PLEKHG7: variants seen among roughly 807,000 people sequenced by gnomAD.
PLEKHG7 encodes pleckstrin homology and RhoGEF domain containing G7, also known as pleckstrin homology domain-containing family G member 7.
Under a neutral mutation model 85.2 loss-of-function variants are expected in PLEKHG7, and 77 were observed. That is an observed-to-expected ratio of 0.90 (90% CI 0.75 to 1.09). The LOEUF (loss-of-function observed/expected upper bound fraction) is 1.09, where lower values mean the gene tolerates loss of function less well. PLEKHG7 is among the 50% of genes least tolerant of loss of function. The pLI is 0.00. For missense variants in PLEKHG7, 777 were observed against 804.3 expected (o/e 0.97, Z 0.41); for synonymous variants, 301 against 302.4 (o/e 1.00, Z 0.05).
intron 3 of PLEKHG7, among the ~76,000 whole-genome samples, chr12:92,710,575 C>T (rs1871350054): frequency 6.6e-6 from 1 of 152,170 alleles, no homozygotes; most frequent in Admixed American, 6.5e-5. Context: ...GAGGACAAAC[C>T]TCTGCCCTTT....
At chr12:92,719,007 A>G (rs926408774) in intron 3 of PLEKHG7, among the ~76,000 whole-genome samples, 1 of 152,204 alleles carries the variant, frequency 6.6e-6, no homozygotes, top group Non-Finnish European at 1.5e-5. Context: ...AATCGCCATC[A>G]TAGTACCGGA....
At chr12:92,754,470 C>G (rs1197653703) in intron 11 of PLEKHG7, among the ~76,000 whole-genome samples, 1 of 152,156 alleles carries the variant, frequency 6.6e-6, no homozygotes, top group Non-Finnish European at 1.5e-5. Flanking sequence ...TATGAGAACT[C>G]TAGCACCAAG....
At chr12:92,769,229 T>A in intron 16 of PLEKHG7, 149 bp downstream of exon 16, 1 of 586,582 alleles carries the variant, frequency 1.7e-6, no homozygotes, top group Non-Finnish European at 3.0e-6. Flanking sequence ...GGGGTACATC[T>A]AGTCCATATA....
chr12:92,713,858 C>A (rs1290619460), intron 3 of PLEKHG7, among the ~76,000 whole-genome samples: 1 of 152,132 alleles, frequency 6.6e-6, no homozygotes, highest in Non-Finnish European at 1.5e-5. Flanking sequence ...ACTCTTGGAC[C>A]CTTTTTTAAC....
chr12:92,751,966 A>G (rs768407713), intron 10 of PLEKHG7, among the ~76,000 whole-genome samples: 2 of 151,906 alleles, frequency 1.3e-5, no homozygotes, highest in Non-Finnish European at 2.9e-5. Context: ...GCAGTGAGCC[A>G]TGATCATACC....
intron 7 of PLEKHG7, 96 bp downstream of exon 7, chr12:92,737,617 G>T (rs1872198318): frequency 8.3e-7 from 1 of 1,208,508 alleles, no homozygotes; most frequent in African/African-American, 1.6e-5. Flanking sequence ...AGAAAAGAAA[G>T]AGAGAAAAGA....
At chr12:92,760,166 G>T (rs1872946132) in intron 13 of PLEKHG7, among the ~76,000 whole-genome samples, 1 of 152,116 alleles carries the variant, frequency 6.6e-6, no homozygotes, top group Non-Finnish European at 1.5e-5. Flanking sequence ...TAGCTCCTTG[G>T]TCATATTCAG....
chr12:92,741,075 G>T, intron 8 of PLEKHG7, 127 bp downstream of exon 8: 3 of 598,688 alleles, frequency 5.0e-6, no homozygotes, highest in Non-Finnish European at 8.4e-6. Context: ...CAGGACTTCA[G>T]GTTAATAAGA....
intron 13 of PLEKHG7, 136 bp from the exon 14 acceptor site, chr12:92,761,616 A>AAAG (rs1177639854): frequency 1.7e-5 from 18 of 1,032,046 alleles, no homozygotes; most frequent in African/African-American, 9.5e-5. Flanking sequence ...AAAAAGAAAG[A>AAAG]AAGAAAGAAG....
chr12:92,705,621 G>T (rs1871208647), intron 1 of PLEKHG7, among the ~76,000 whole-genome samples: 2 of 152,242 alleles, frequency 1.3e-5, no homozygotes, highest in Non-Finnish European at 2.9e-5. Context: ...GCCATCTGCG[G>T]CCAGGGAAGA....
Position 92,764,002 on chromosome 12 carries a change from A to G in PLEKHG7, c.1717-39A>G, listed in dbSNP as rs752260753. 12 of 1,568,920 alleles carry G rather than the reference A, an allele frequency of 7.6e-6. No individual in the cohort carries two copies. The South Asian group carries it at 1.4e-4, about 18-fold the overall frequency. On this transcript the variant is annotated intron_variant, in intron 14 of 16. Transcript: ENST00000344636. ...ACTTTAGATAAGTGTGCCAATATTT[A>G]TTTCTTGTTTATTGCATTATTTTTC...
rs1427274594 is a variant in PLEKHG7 at position 92,761,644 on chromosome 12, AAG to A, written c.1637-106_1637-105del. On this transcript the variant is annotated intron_variant, in intron 13 of 16. Coordinates refer to ENST00000344636, the MANE Select transcript of PLEKHG7 (RefSeq NM_001377329.1). ...GAAAGAAGAAAGAAAGAAAGAAAGA[AAG>A]AAAGAAAGAAAGAAAGAAAGAAAGA... is the stretch of plus-strand genomic sequence containing the variant. 9.5e-6 allele frequency: 9 copies of A among 951,294 alleles called. 1 individual carries two copies. Among genetic ancestry groups the A allele is most frequent in the South Asian group, 4.5e-5 (2 of 44,672 alleles). The allele number at this position is 951,294 out of a possible 1,614,324, so 58.9% of individuals were successfully genotyped here. A position where few individuals can be genotyped will look rare whatever the true frequency, so the allele number is the denominator to read the frequency against.
intron 12 of PLEKHG7, 116 bp downstream of exon 12, chr12:92,756,056 C>A: frequency 1.3e-6 from 1 of 791,076 alleles, no homozygotes; most frequent in Non-Finnish European, 2.0e-6. Flanking sequence ...AATCTAGTTT[C>A]ATGAACAAGA....
chr12:92,721,522 G>A, intron 3 of PLEKHG7: 1 of 1,230,770 alleles, frequency 8.1e-7, no homozygotes, highest in Non-Finnish European at 1.0e-6. Context: ...ACGCAACTCA[G>A]GGTTAGTGAA....
intron 3 of PLEKHG7, among the ~76,000 whole-genome samples, chr12:92,719,510 C>A (rs1005702332): frequency 3.9e-5 from 6 of 152,062 alleles, no homozygotes; most frequent in African/African-American, 1.5e-4. Flanking sequence ...GATAAGGCTG[C>A]CTGATTAAAA....
chr12:92,733,220 T>G (rs903613329), intron 5 of PLEKHG7, among the ~76,000 whole-genome samples: 1 of 152,146 alleles, frequency 6.6e-6, no homozygotes, highest in African/African-American at 2.4e-5. Context: ...AGATCTTCCC[T>G]ATAAAAGGCA....
intron 3 of PLEKHG7, among the ~76,000 whole-genome samples, chr12:92,724,354 G>A (rs1193309524): frequency 6.6e-6 from 1 of 151,988 alleles, no homozygotes; most frequent in Non-Finnish European, 1.5e-5. Context: ...CATGGAGTTG[G>A]CAAACAAAAA....
intron 9 of PLEKHG7, among the ~76,000 whole-genome samples, chr12:92,744,610 C>T (rs1053588662): frequency 4.7e-5 from 7 of 150,432 alleles, no homozygotes; most frequent in Non-Finnish European, 8.9e-5. Flanking sequence ...TAAGATAAAG[C>T]GCATGCTACT....
At chr12:92,734,698 C>T (rs1872088804) in intron 5 of PLEKHG7, among the ~76,000 whole-genome samples, 1 of 152,126 alleles carries the variant, frequency 6.6e-6, no homozygotes. Context: ...TAGAGCTCTC[C>T]ATAGATCTTG....
Sources: allele counts gnomAD v4.1 joint callset (sites outside exome capture counted in the v4.1 genomes callset), GRCh38; gene constraint gnomAD v4.1.1; transcripts MANE v1.5; gene names NCBI Gene and HGNC (gene_info 2026-07-23, HGNC 2026-07-21).